Variants in DNAH10 observed in about 807,000 individuals in gnomAD.
DNAH10 encodes dynein axonemal heavy chain 10, also known as axonemal beta dynein heavy chain 10.
A neutral mutation model predicts 506.6 loss-of-function variants in DNAH10; 348 were observed. That is an observed-to-expected ratio of 0.69 (90% CI 0.63 to 0.75). The LOEUF is 0.75. Among genes scored for constraint, DNAH10 ranks in the 30% least tolerant of loss-of-function variants. The pLI is 0.00. For missense variants in DNAH10, 5,179 were observed against 5,787.1 expected (o/e 0.89, Z 3.41); for synonymous variants, 2,059 against 2,198.6 (o/e 0.94, Z 1.78).
intron 16 of DNAH10, among the ~76,000 whole-genome samples, chr12:123,802,512 G>A (rs145700350): frequency 6.6e-6 from 1 of 152,124 alleles, no homozygotes; most frequent in Non-Finnish European, 1.5e-5. Context: ...TGCCATGTTG[G>A]CCAGGCTGAT....
intron 54 of DNAH10, among the ~76,000 whole-genome samples, chr12:123,895,269 TA>T (rs1953168406): frequency 6.6e-6 from 1 of 152,240 alleles, no homozygotes; most frequent in Non-Finnish European, 1.5e-5. Flanking sequence ...AATGTTTGAA[TA>T]AGAAAGGAAG....
intron 24 of DNAH10, among the ~76,000 whole-genome samples, chr12:123,825,673 A>ACACAGGGAAATGGGG (rs1276160491): frequency 5.5e-4 from 84 of 152,270 alleles, no homozygotes; most frequent in Non-Finnish European, 9.0e-4. Context: ...AGGGGTTATG[A>ACACAGGGAAATGGGG]CACAGGGAAA....
rs144778845 is a variant in DNAH10 at position 123,813,394 on chromosome 12, G to A, written c.3375G>A (p.Val1125=). 1.8e-5 allele frequency: 29 copies of A among 1,614,114 alleles called. No homozygotes were observed. Among genetic ancestry groups the A allele is most frequent in the Non-Finnish European group, 2.4e-5 (28 of 1,180,050 alleles). Residue 1125 remains valine, a synonymous_variant, in exon 20 of 79, where the codon GTG becomes GTA. Coordinates refer to ENST00000673944, the MANE Select transcript of DNAH10 (RefSeq NM_001372106.1). ...RPLWKLDKAI[V]MEKFAAKKPP... The stretch of plus-strand genomic sequence containing the variant: ...TCTGGAAATTGGACAAAGCTATTGT[G>A]ATGGAGAAATTTGCTGCCAAGAAAC...
chr12:123,797,396 C>CT (rs112287083), intron 13 of DNAH10, among the ~76,000 whole-genome samples: 102 of 142,804 alleles, frequency 7.1e-4, no homozygotes, highest in Admixed American at 1.5e-3. Flanking sequence ...TTTTCTTTTT[C>CT]TTTTTTTTTT....
intron 19 of DNAH10, among the ~76,000 whole-genome samples, chr12:123,812,542 C>T (rs148208702): frequency 5.9e-5 from 9 of 152,298 alleles, no homozygotes; most frequent in Non-Finnish European, 1.0e-4. Context: ...TTCTGGGACA[C>T]TAAGCAGTCA....
rs11057384 is a variant in DNAH10, at chr12:123,886,217, C to T, written c.8824-925C>T. 2.3e-4 allele frequency among the ~76,000 whole-genome samples: 35 copies of T among 152,162 alleles called. 1 individual carries two copies. The East Asian group carries it at 4.6e-3, about 20-fold the overall frequency. On this transcript the variant is annotated intron_variant, in intron 51 of 78. Transcript: ENST00000673944. ...TCTGAGGCATTTTCCCCTAAAGTAG[C>T]GCCTCGAGGAACAGCAGAGAGGATG...
At position 123,909,839 on chromosome 12, in the gene DNAH10, T is replaced by C. The variant is rs1702236553; in HGVS notation, c.9997+397T>C. 6.6e-6 allele frequency among the ~76,000 whole-genome samples: 1 copy of C among 152,092 alleles called. No individual in the cohort carries two copies. The highest frequency in any genetic ancestry group is 1.5e-5 in the Non-Finnish European group (1 of 67,998). On this transcript the variant is annotated intron_variant, in intron 58 of 78. Transcript: ENST00000673944. This position sits in a 1 kb window ranked among gnomAD's most constrained non-coding sequence, Gnocchi z 5.4. ...CTTCCCCCCTTTCTCCTCTTGTCAGTGTCAAGTCTTCTGGAGGTCCCTGGG... is the reference window on the plus strand; with the variant it reads ...CTTCCCCCCTTTCTCCTCTTGTCAGCGTCAAGTCTTCTGGAGGTCCCTGGG...
At chr12:123,789,780 C>T (rs1220416856) in intron 10 of DNAH10, 147 bp from the exon 11 acceptor site, 13 of 704,160 alleles carry the variant, frequency 1.8e-5, no homozygotes, top group East Asian at 2.8e-5. Flanking sequence ...CCTTGGGCAT[C>T]GTACCGAAGG....
At chr12:123,764,643 A>G (rs1956950608) in intron 1 of DNAH10, among the ~76,000 whole-genome samples, 1 of 152,132 alleles carries the variant, frequency 6.6e-6, no homozygotes, top group African/African-American at 2.4e-5. Context: ...GTGGAAGCAG[A>G]GTTCAGTCTC....
chr12:123,770,929 T>A (rs1957227449), intron 2 of DNAH10, among the ~76,000 whole-genome samples: 4 of 151,854 alleles, frequency 2.6e-5, no homozygotes, highest in Admixed American at 2.6e-4. Flanking sequence ...AAGTTTTGCA[T>A]CTCATAGTGA....
rs764881946 is a variant in DNAH10, at chr12:123,762,518, C to T, written c.182C>T (p.Thr61Ile). The T allele has an allele frequency of 7.1e-6, 11 of 1,555,800 alleles. 1 individual carries two copies. In the African/African-American group the frequency reaches 9.6e-5, roughly 14 times the overall value. The change falls in exon 1 of 79, where the codon ACT becomes ATT. Residue 61 changes from threonine to isoleucine, a missense_variant. Thr to Ile is a moderately conservative substitution (Grantham distance 89, BLOSUM62 -1). This residue lies in a region of DNAH10 where 326 missense variants were observed against 330.8 expected (regional missense o/e 0.99). Coordinates refer to ENST00000673944, the MANE Select transcript of DNAH10 (RefSeq NM_001372106.1). This position sits in a 1 kb window ranked among gnomAD's most constrained non-coding sequence, Gnocchi z 5.0. ...EGPSALFIYR[T>I]MVPEEVEVEI... ...CCCTCGGCGCTCTTCATCTACCGCA[C>T]TATGGTGCCGGAGGAGGTGGAGGTG... is the stretch of plus-strand genomic sequence containing the variant.
chr12:123,908,580 C>T (rs1157458785), intron 57 of DNAH10: 1 of 456,114 alleles, frequency 2.2e-6, no homozygotes, highest in Admixed American at 2.3e-5. Flanking sequence ...GGTTCCTTCT[C>T]TGGCCTTTGT....
At chr12:123,924,623 C>T (rs934697075) in intron 67 of DNAH10, among the ~76,000 whole-genome samples, 191 bp downstream of exon 67, 1 of 152,006 alleles carries the variant, frequency 6.6e-6, no homozygotes, top group Non-Finnish European at 1.5e-5. Flanking sequence ...GAGATCCAAC[C>T]ATCTACCTGT....
intron 21 of DNAH10, chr12:123,814,166 T>C (rs1194663756): frequency 6.3e-6 from 2 of 317,088 alleles, no homozygotes; most frequent in Non-Finnish European, 1.1e-5. Flanking sequence ...TTTCTTCTTT[T>C]TTTTGTGTTA....
chr12:123,764,271 T>G (rs1290346514), intron 1 of DNAH10, among the ~76,000 whole-genome samples: 2 of 152,194 alleles, frequency 1.3e-5, no homozygotes, highest in African/African-American at 4.8e-5. Context: ...CCTAGTGCCA[T>G]CTGGAGAGAG....
chr12:123,832,195 CATAAT>C (rs1409157889), intron 26 of DNAH10, among the ~76,000 whole-genome samples: 7 of 152,226 alleles, frequency 4.6e-5, no homozygotes, highest in African/African-American at 1.2e-4. Flanking sequence ...CACACGTACA[CATAAT>C]ATATATACAT....
chr12:123,924,691 G>A (rs115735567), intron 67 of DNAH10, among the ~76,000 whole-genome samples: 1,599 of 145,130 alleles, frequency 0.011, 29 homozygotes, highest in African/African-American at 0.04. Flanking sequence ...TTTACCCACC[G>A]ACCCATTCAT....
chr12:123,842,569 A>G (rs1013210537), intron 30 of DNAH10, among the ~76,000 whole-genome samples: 13 of 152,262 alleles, frequency 8.5e-5, no homozygotes, highest in African/African-American at 3.1e-4. Flanking sequence ...AAGTGAAAAC[A>G]TCTACTTAAA....
At position 123,861,028 on chromosome 12, in the gene DNAH10, A is replaced by G. The variant is rs1594219772; in HGVS notation, c.6766A>G (p.Lys2256Glu). 6.2e-7 allele frequency: 1 copy of G among 1,613,996 alleles called. No individual in the cohort carries two copies. The highest frequency in any genetic ancestry group is 8.5e-7 in the Non-Finnish European group (1 of 1,179,896). ...QAQTKLGLTT[K>E]LYILNPKAVS... ...TTGATTTAGGCTTGGGCTGACGACA[A>G]AGTTGTACATCCTGAACCCCAAAGC... The change falls in exon 39 of 79, where the codon AAG becomes GAG. Residue 2256 changes from lysine (K) to glutamate (E), a missense_variant. This residue lies in a region of DNAH10 where 4,844 missense variants were observed against 5,430.5 expected (regional missense o/e 0.89). Transcript: ENST00000673944.
Sources: gnomAD v4.1 joint callset for allele counts (sites outside exome capture counted in the v4.1 genomes callset) on GRCh38, gnomAD v4.1.1 for gene constraint, gnomAD v4.1.1 regional missense constraint, Gnocchi (gnomAD v3.1) non-coding constraint, MANE v1.5 for transcripts, NCBI Gene and HGNC (gene_info 2026-07-23, HGNC 2026-07-21) for gene names.